TMEM117: variants seen among roughly 807,000 people sequenced by gnomAD.
TMEM117 encodes transmembrane protein 117.
In TMEM117, 27 loss-of-function variants were observed where a neutral mutation model predicts 52.4. The ratio of observed to expected loss-of-function variants is 0.51; its 90% CI spans 0.38 to 0.71. TMEM117 has a LOEUF of 0.71. TMEM117 is among the 30% of genes least tolerant of loss of function. TMEM117 has a pLI of 0.00. For missense variants in TMEM117, 556 were observed against 630.5 expected (o/e 0.88, Z 1.26); for synonymous variants, 215 against 206.3 (o/e 1.04, Z -0.36).
intron 3 of TMEM117, among the ~76,000 whole-genome samples, chr12:44,061,553 C>G (rs1431822367): frequency 6.6e-6 from 1 of 152,064 alleles, no homozygotes; most frequent in Admixed American, 6.6e-5. Flanking sequence ...CTGAGTGAAA[C>G]TCTATGCTTC....
chr12:43,812,594 G>A, the TMEM117 span, among the ~76,000 whole-genome samples: 3 of 152,148 alleles, frequency 2.0e-5, no homozygotes, highest in East Asian at 1.9e-4. Flanking sequence ...CAAGTTAACC[G>A]TACTCTTCCA....
chr12:44,302,287 T>C (rs569832051), intron 6 of TMEM117, among the ~76,000 whole-genome samples: 4 of 152,348 alleles, frequency 2.6e-5, no homozygotes, highest in East Asian at 1.9e-4. Context: ...GTCCAGCCTC[T>C]GGGAGCTCTC....
intron 3 of TMEM117, chr12:44,010,022 T>G: frequency 2.9e-6 from 1 of 339,810 alleles, no homozygotes; most frequent in South Asian, 2.5e-5. Flanking sequence ...GCCGAGATAC[T>G]CTATTTATGT....
intron 1 of TMEM117, 42 bp from the exon 2 acceptor site, chr12:43,844,582 C>T (rs1943167806): frequency 4.7e-6 from 7 of 1,501,932 alleles, no homozygotes; most frequent in Non-Finnish European, 6.3e-6. Context: ...AAAGCCATTA[C>T]TTGTTTTCCT....
At chr12:43,939,987 A>G (rs1945017698) in intron 2 of TMEM117, among the ~76,000 whole-genome samples, 1 of 152,096 alleles carries the variant, frequency 6.6e-6, no homozygotes. Context: ...CTTATTCACT[A>G]CCACAAGAAC....
chr12:44,168,435 A>G (rs1028461345), intron 4 of TMEM117, among the ~76,000 whole-genome samples: 3 of 152,160 alleles, frequency 2.0e-5, no homozygotes, highest in African/African-American at 4.8e-5. Flanking sequence ...GCATTTGTAC[A>G]TTATTTTATG....
At chr12:44,053,535 T>C (rs1198083941) in intron 3 of TMEM117, among the ~76,000 whole-genome samples, 1 of 152,164 alleles carries the variant, frequency 6.6e-6, no homozygotes, top group East Asian at 1.9e-4. Context: ...ATGTGATTGA[T>C]CTCAATCTCT....
At chr12:44,229,346 A>G (rs1435414224) in intron 5 of TMEM117, among the ~76,000 whole-genome samples, 1 of 152,110 alleles carries the variant, frequency 6.6e-6, no homozygotes, top group Admixed American at 6.6e-5. Context: ...GATGCCTATT[A>G]AACATCATGT....
chr12:44,032,651 G>A (rs1043839963), intron 3 of TMEM117, among the ~76,000 whole-genome samples: 2 of 152,118 alleles, frequency 1.3e-5, no homozygotes, highest in South Asian at 2.1e-4. Flanking sequence ...TAGGAATGAA[G>A]GACAAGCTTA....
chr12:44,325,421 T>G (rs866487675), intron 6 of TMEM117, among the ~76,000 whole-genome samples: 50 of 152,116 alleles, frequency 3.3e-4, no homozygotes, highest in African/African-American at 9.4e-4. Context: ...TTTTCAGAGC[T>G]TTTCTATTTC....
chr12:44,240,817 C>A (rs1369706188), intron 5 of TMEM117, among the ~76,000 whole-genome samples: 1 of 151,974 alleles, frequency 6.6e-6, no homozygotes, highest in African/African-American at 2.4e-5. Flanking sequence ...CAGTGAATAT[C>A]AATTTACATA....
chr12:44,142,275 A>G (rs1345226585), intron 3 of TMEM117, among the ~76,000 whole-genome samples: 1 of 152,192 alleles, frequency 6.6e-6, no homozygotes, highest in African/African-American at 2.4e-5. Context: ...GCTACTATCA[A>G]AGTCCATGGA....
chr12:44,026,726 C>A lies in TMEM117; in HGVS notation c.410+82384C>A, dbSNP rs896652796. Reference sequence around the variant, plus strand: ...TTAATTTGAACTCATTTAGAACTTACAGAAAAGTTGTAAATGATAGTACAA... The same window carrying A: ...TTAATTTGAACTCATTTAGAACTTAAAGAAAAGTTGTAAATGATAGTACAA... On this transcript the variant is annotated intron_variant, in intron 3 of 7. Transcript: ENST00000266534. 3.3e-5 allele frequency among the ~76,000 whole-genome samples: 5 copies of A among 152,228 alleles called. No homozygotes were observed. The East Asian group carries it at 9.6e-4, about 29-fold the overall frequency.
chr12:44,298,049 T>TTTTTTTTTTTTTTTTTTGAGACGG (rs1565686051), intron 5 of TMEM117, among the ~76,000 whole-genome samples: 23 of 151,092 alleles, frequency 1.5e-4, no homozygotes, highest in African/African-American at 4.7e-4. Flanking sequence ...GTTTATTTTC[T>TTTTTTTTTTTTTTTTTTGAGACGG]AAAATTTTAA....
chr12:43,850,166 G>T (rs1033424840), intron 2 of TMEM117, among the ~76,000 whole-genome samples: 2 of 152,134 alleles, frequency 1.3e-5, no homozygotes, highest in African/African-American at 2.4e-5. Flanking sequence ...CCTGTGAGAT[G>T]ATGGATCCTT....
chr12:44,158,660 A>G (rs1321722820), intron 4 of TMEM117, among the ~76,000 whole-genome samples: 2 of 152,150 alleles, frequency 1.3e-5, no homozygotes, highest in African/African-American at 4.8e-5. Context: ...ATTTAATCAT[A>G]TATTGTTGGA....
At chr12:44,319,844 C>G (rs930907895) in intron 6 of TMEM117, among the ~76,000 whole-genome samples, 1 of 152,042 alleles carries the variant, frequency 6.6e-6, no homozygotes, top group Non-Finnish European at 1.5e-5. Context: ...AACTATATGT[C>G]TCTTTCTTTC....
intron 6 of TMEM117, among the ~76,000 whole-genome samples, chr12:44,354,545 T>C (rs946241089): frequency 6.6e-6 from 1 of 151,990 alleles, no homozygotes; most frequent in African/African-American, 2.4e-5. Context: ...ATCCAGCATA[T>C]AAACAGAACC....
intron 3 of TMEM117, among the ~76,000 whole-genome samples, chr12:43,947,724 GTC>G (rs1208917757): frequency 6.6e-6 from 1 of 152,134 alleles, no homozygotes; most frequent in Non-Finnish European, 1.5e-5. Flanking sequence ...TTGTTTATAG[GTC>G]TCTCTAGGAA....
Sources: gnomAD v4.1 joint callset for allele counts (sites outside exome capture counted in the v4.1 genomes callset) on GRCh38, gnomAD v4.1.1 for gene constraint, MANE v1.5 for transcripts, NCBI Gene and HGNC (gene_info 2026-07-23, HGNC 2026-07-21) for gene names.